Variants in C11orf65 observed in about 807,000 individuals in gnomAD.
C11orf65 encodes the protein protein MFI.
A neutral mutation model predicts 35.3 loss-of-function variants in C11orf65; 38 were observed. That is an observed-to-expected ratio of 1.08 (90% confidence interval 0.83 to 1.41). The LOEUF is 1.41. Ranked by LOEUF, C11orf65 falls within the 40% of genes most tolerant of loss-of-function variation. C11orf65 has a pLI of 0.00. For missense variants in C11orf65, 370 were observed against 367.1 expected (o/e 1.01, Z -0.06); for synonymous variants, 105 against 114.4 (o/e 0.92, Z 0.53).
intron 1 of C11orf65, among the ~76,000 whole-genome samples, chr11:108,463,131 A>ATT (rs1208605893): frequency 6.6e-6 from 1 of 152,238 alleles, no homozygotes; most frequent in Admixed American, 6.5e-5. Context: ...GTCTCTAAAA[A>ATT]TAATAAAAAT....
chr11:108,335,396 GTGTC>G, intron 2 of C11orf65: 2 of 825,990 alleles, frequency 2.4e-6, no homozygotes, highest in Non-Finnish European at 3.5e-6. Context: ...AAATACTTTG[GTGTC>G]TGTCTCTTAT....
intron 2 of C11orf65, among the ~76,000 whole-genome samples, chr11:108,441,034 C>A (rs1405393937): frequency 1.3e-5 from 2 of 152,164 alleles, no homozygotes; most frequent in African/African-American, 2.4e-5. Context: ...CTGCCTCACC[C>A]AGGAAGTGCA....
intron 2 of C11orf65, among the ~76,000 whole-genome samples, chr11:108,436,078 G>A (rs1165321052): frequency 6.7e-6 from 1 of 148,458 alleles, no homozygotes; most frequent in Non-Finnish European, 1.5e-5. Context: ...TTTGAAAATA[G>A]ACAGGGGTTG....
chr11:108,329,698 ACTGTGCCCTGT>A (rs1486027601), downstream of C11orf65, among the ~76,000 whole-genome samples: 1 of 152,238 alleles, frequency 6.6e-6, no homozygotes, highest in Non-Finnish European at 1.5e-5. Context: ...GGTGTGAGGC[ACTGTGCCCTGT>A]CTGTCTTGGT....
intron 2 of C11orf65, among the ~76,000 whole-genome samples, chr11:108,373,177 A>G (rs1339191743): frequency 1.3e-5 from 2 of 152,248 alleles, no homozygotes; most frequent in African/African-American, 4.8e-5. Context: ...AATTCTATCA[A>G]TATAAGAAAG....
chr11:108,325,957 G>A, intron 6 of C11orf65: 1 of 1,411,276 alleles, frequency 7.1e-7, no homozygotes, highest in Non-Finnish European at 9.8e-7. Context: ...AAGTAGTTAA[G>A]TCCTCAATGA....
downstream of C11orf65, among the ~76,000 whole-genome samples, chr11:108,378,243 A>G (rs1412669700): frequency 3.2e-4 from 48 of 150,562 alleles, no homozygotes; most frequent in Admixed American, 1.7e-3. Context: ...CTACAAGGCT[A>G]CAGTAACCAA....
chr11:108,316,549 A>G (rs941774225), intron 6 of C11orf65, among the ~76,000 whole-genome samples: 7 of 152,102 alleles, frequency 4.6e-5, no homozygotes, highest in African/African-American at 1.7e-4. Context: ...CTTCCATGAA[A>G]TATTAGAGCC....
intron 2 of C11orf65, among the ~76,000 whole-genome samples, chr11:108,447,091 A>AAT (rs1425219853): frequency 6.6e-6 from 1 of 152,146 alleles, no homozygotes; most frequent in East Asian, 1.9e-4. Context: ...AACTATCCTA[A>AAT]ATATATATGC....
At position 108,453,468 on chromosome 11, in the gene C11orf65, T is replaced by C. The variant is rs925682084; in HGVS notation, c.81+8011A>G. Reference sequence around the variant, plus strand: ...AAAAGACAAAGATTATTTAGAATTATGCAAAATTAAATCCAACTGTATTTT... The same window carrying C: ...AAAAGACAAAGATTATTTAGAATTACGCAAAATTAAATCCAACTGTATTTT... On this transcript the variant is annotated intron_variant, in intron 2 of 8. Transcript: ENST00000393084. 4.6e-5 allele frequency among the ~76,000 whole-genome samples: 7 copies of C among 152,236 alleles called. No individual in the cohort carries two copies. The South Asian group carries it at 1.0e-3, about 23-fold the overall frequency.
At chr11:108,342,109 T>C (rs1178724548) in intron 2 of C11orf65, among the ~76,000 whole-genome samples, 1 of 152,202 alleles carries the variant, frequency 6.6e-6, no homozygotes, top group Non-Finnish European at 1.5e-5. Flanking sequence ...TTTTCTTTTT[T>C]AGCTCATCAG....
At chr11:108,455,771 A>C (rs935568688) in intron 2 of C11orf65, among the ~76,000 whole-genome samples, 22 of 143,388 alleles carry the variant, frequency 1.5e-4, no homozygotes, top group African/African-American at 5.5e-4. Flanking sequence ...AGCTGAGATC[A>C]CATCACTGCA....
chr11:108,429,475 G>C (rs375294968), intron 3 of C11orf65, among the ~76,000 whole-genome samples: 3 of 152,156 alleles, frequency 2.0e-5, no homozygotes, highest in Non-Finnish European at 4.4e-5. Context: ...GTGAAAAAAA[G>C]ATGCAAGTAA....
chr11:108,370,029 GT>G (rs952262405), intron 2 of C11orf65, among the ~76,000 whole-genome samples: 1 of 152,040 alleles, frequency 6.6e-6, no homozygotes, highest in African/African-American at 2.4e-5. Flanking sequence ...TCTTAATGGA[GT>G]TTTTTTGGTT....
At chr11:108,333,236 G>T (rs4988127) in intron 3 of C11orf65, among the ~76,000 whole-genome samples, 1 of 151,920 alleles carries the variant, frequency 6.6e-6, no homozygotes. Context: ...TTTTTTAAAC[G>T]ATGTGGTTAC....
chr11:108,465,740 T>C (rs932890902), intron 1 of C11orf65, among the ~76,000 whole-genome samples: 3 of 151,784 alleles, frequency 2.0e-5, no homozygotes, highest in African/African-American at 7.3e-5. Flanking sequence ...ATCCCAGCAC[T>C]TTGGGAGGCC....
intron 2 of C11orf65, among the ~76,000 whole-genome samples, chr11:108,360,717 G>T (rs1455901351): frequency 7.1e-6 from 1 of 141,622 alleles, no homozygotes; most frequent in African/African-American, 2.7e-5. Context: ...CTCAATAGAT[G>T]CAGAAAAAGC....
chr11:108,413,739 T>G (rs1181606172), intron 3 of C11orf65, among the ~76,000 whole-genome samples: 1 of 152,030 alleles, frequency 6.6e-6, no homozygotes, highest in Admixed American at 6.6e-5. Flanking sequence ...CTCAATAGTA[T>G]TAAACTAGAA....
intron 2 of C11orf65, among the ~76,000 whole-genome samples, chr11:108,375,345 A>G (rs907184107): frequency 7.2e-5 from 11 of 151,862 alleles, no homozygotes; most frequent in African/African-American, 2.4e-4. Flanking sequence ...ATTCTTAAAG[A>G]AAAGAATTTT....
Sources: gnomAD v4.1 joint callset for allele counts (sites outside exome capture counted in the v4.1 genomes callset) on GRCh38, gnomAD v4.1.1 for gene constraint, MANE v1.5 for transcripts, NCBI Gene and HGNC (gene_info 2026-07-23, HGNC 2026-07-21) for gene names.